NHS: variants seen among roughly 807,000 people sequenced by gnomAD.
NHS encodes NHS actin remodeling regulator.
Under a neutral mutation model 72.5 loss-of-function variants are expected in NHS, and 5 were observed. The ratio of observed to expected loss-of-function variants is 0.07; its 90% CI spans 0.04 to 0.14. The LOEUF (loss-of-function observed/expected upper bound fraction) is 0.14. Among genes scored for constraint, NHS ranks in the 10% least tolerant of loss-of-function variants. The pLI is 1.00. For missense variants in NHS, 1,072 were observed against 1,355.7 expected (o/e 0.79, Z 3.29); for synonymous variants, 464 against 547.7 (o/e 0.85, Z 2.13).
intron 1 of NHS, among the ~76,000 whole-genome samples, chrX:17,527,982 C>G (rs775981737): frequency 3.7e-4 from 41 of 111,346 alleles, no homozygotes; most frequent in Non-Finnish European, 1.5e-4. Flanking sequence ...CTTTATGTCT[C>G]CACATTCTTT....
intron 1 of NHS, among the ~76,000 whole-genome samples, chrX:17,642,162 G>T (rs770360808): frequency 1.8e-5 from 2 of 112,084 alleles, no homozygotes; most frequent in African/African-American, 6.5e-5. Context: ...TAGCCAGGAT[G>T]GTCTCGATCT....
At chrX:17,483,931 T>C (rs2064957232) in intron 1 of NHS, among the ~76,000 whole-genome samples, 1 of 111,654 alleles carries the variant, frequency 9.0e-6, no homozygotes, top group Admixed American at 9.6e-5. Context: ...CCTGTGGAAG[T>C]ATCAAGCAGC....
chrX:17,412,874 C>G (rs749610647), intron 1 of NHS, among the ~76,000 whole-genome samples: 1 of 112,306 alleles, frequency 8.9e-6, no homozygotes, highest in East Asian at 2.8e-4. Flanking sequence ...ATCATGAAGT[C>G]TCTGTCATAG....
At chrX:17,492,277 A>T (rs1038126702) in intron 1 of NHS, among the ~76,000 whole-genome samples, 1 of 112,362 alleles carries the variant, frequency 8.9e-6, no homozygotes, top group Non-Finnish European at 1.9e-5. Flanking sequence ...ATTTAGTGCT[A>T]TAAGTTTCCC....
chrX:17,711,998 T>C (rs1199170758), intron 3 of NHS, among the ~76,000 whole-genome samples: 3 of 108,309 alleles, frequency 2.8e-5, no homozygotes, highest in African/African-American at 6.7e-5. Flanking sequence ...TAAGTCTATA[T>C]ACCTGAGATG....
chrX:17,725,256 C>G (rs1198284911), intron 6 of NHS, 91 bp from the exon 7 acceptor site: 27 of 881,079 alleles, frequency 3.1e-5, no homozygotes, highest in Non-Finnish European at 4.3e-5. Context: ...CAGCTCTAAC[C>G]TGCCAGCCCA....
intron 1 of NHS, among the ~76,000 whole-genome samples, chrX:17,624,116 A>G (rs1361546149): frequency 8.9e-6 from 1 of 112,469 alleles, no homozygotes. Context: ...CAATTTAAAT[A>G]TACATCATTG....
intron 1 of NHS, among the ~76,000 whole-genome samples, chrX:17,399,181 G>A (rs1052373037): frequency 1.7e-4 from 19 of 108,967 alleles, no homozygotes; most frequent in East Asian, 8.7e-4. Context: ...AGCTTACTGC[G>A]ACCTCCACCT....
At chrX:17,525,277 A>G (rs748469153) in intron 1 of NHS, among the ~76,000 whole-genome samples, 1 of 112,269 alleles carries the variant, frequency 8.9e-6, no homozygotes, top group East Asian at 2.8e-4. Flanking sequence ...ATCAACAGAA[A>G]CCTGATCATG....
At chrX:17,590,836 G>A (rs765058276) in intron 1 of NHS, among the ~76,000 whole-genome samples, 1 of 111,285 alleles carries the variant, frequency 9.0e-6, no homozygotes, top group East Asian at 2.8e-4. Flanking sequence ...CACATACAAA[G>A]AAAAACCAAG....
At chrX:17,687,593 C>A in intron 1 of NHS, 149 bp from the exon 2 acceptor site, 1 of 727,861 alleles carries the variant, frequency 1.4e-6, no homozygotes, top group Non-Finnish European at 2.2e-6. Context: ...AAACCTTTCT[C>A]CGGCCTTGAG....
At chrX:17,633,718 G>C (rs754950754) in intron 1 of NHS, among the ~76,000 whole-genome samples, 1 of 111,792 alleles carries the variant, frequency 8.9e-6, no homozygotes, top group African/African-American at 3.2e-5. Context: ...TTCCTTTTCA[G>C]CTTGGGGTCA....
chrX:17,573,083 C>A (rs1366553561), intron 1 of NHS, among the ~76,000 whole-genome samples: 4 of 111,771 alleles, frequency 3.6e-5, no homozygotes, highest in Non-Finnish European at 7.5e-5. Context: ...TGTGGGTAAC[C>A]CGACCTTTCT....
chrX:17,394,420 A>T (rs2064461836), intron 1 of NHS, among the ~76,000 whole-genome samples: 1 of 112,191 alleles, frequency 8.9e-6, no homozygotes, highest in Admixed American at 9.4e-5. Flanking sequence ...GCTTTGGAAC[A>T]TTAACCAAGA....
chrX:17,418,654 G>A (rs751218888), intron 1 of NHS, among the ~76,000 whole-genome samples: 8 of 111,736 alleles, frequency 7.2e-5, no homozygotes, highest in East Asian at 5.6e-4. Context: ...TCTATGTGGC[G>A]TTAGAGCCTA....
chrX:17,476,615 T>G (rs993761232), intron 1 of NHS, among the ~76,000 whole-genome samples: 5 of 111,139 alleles, frequency 4.5e-5, no homozygotes, highest in Non-Finnish European at 7.6e-5. Context: ...TAACACTACC[T>G]GTAGGTAGTG....
At chrX:17,653,918 C>T (rs11798583) in intron 1 of NHS, among the ~76,000 whole-genome samples, 3,675 of 111,210 alleles carry the variant, frequency 0.033, 74 homozygotes, top group Non-Finnish European at 0.053. Context: ...CTCTACCAAA[C>T]CCCCAGGGGC....
intron 1 of NHS, among the ~76,000 whole-genome samples, chrX:17,597,342 A>G (rs1395958116): frequency 1.8e-5 from 2 of 108,130 alleles, no homozygotes; most frequent in Non-Finnish European, 3.8e-5. Context: ...AGCCAGGATG[A>G]TCTCGATCTC....
intron 1 of NHS, among the ~76,000 whole-genome samples, chrX:17,551,955 G>C (rs750338874): frequency 8.9e-6 from 1 of 111,958 alleles, no homozygotes; most frequent in East Asian, 2.8e-4. Context: ...TATCTGCTCT[G>C]TGCCAGGTGT....
Sources: allele counts gnomAD v4.1 joint callset (sites outside exome capture counted in the v4.1 genomes callset), GRCh38; gene constraint gnomAD v4.1.1; transcripts MANE v1.5; gene names NCBI Gene and HGNC (gene_info 2026-07-23, HGNC 2026-07-21).